The following EPHA6 variants were observed in gnomAD, a reference collection of about 807,000 sequenced individuals.
The protein encoded by EPHA6 is ephrin type-A receptor 6.
Under a neutral mutation model 112.0 loss-of-function variants are expected in EPHA6, and 50 were observed. The observed-to-expected ratio is 0.45, with a 90% CI of 0.36 to 0.56. The LOEUF (loss-of-function observed/expected upper bound fraction) is 0.56, where lower values mean the gene tolerates loss of function less well. Among genes scored for constraint, EPHA6 ranks in the 20% least tolerant of loss-of-function variants. The pLI, the probability that EPHA6 is intolerant of heterozygous loss-of-function variation, is 0.00. For synonymous variants in EPHA6, 529 were observed against 490.7 expected, an observed-to-expected ratio of 1.08 and a Z score of -1.03; for missense variants, 1,280 against 1,417.4, an observed-to-expected ratio of 0.90 and a Z score of 1.56.
At chr3:96,992,290 A>G (rs1286806714) in intron 3 of EPHA6, among the ~76,000 whole-genome samples, 1 of 152,022 alleles carries the variant, frequency 6.6e-6, no homozygotes, top group African/African-American at 2.4e-5. Flanking sequence ...CACAATCTCC[A>G]TGCTATTCTT....
At chr3:97,275,646 T>C (rs551768635) in intron 5 of EPHA6, among the ~76,000 whole-genome samples, 9 of 152,154 alleles carry the variant, frequency 5.9e-5, no homozygotes, top group Non-Finnish European at 1.3e-4. Flanking sequence ...GGAGAGTTTA[T>C]AGGCTTTAAA....
At chr3:97,121,670 C>G (rs1381871360) in intron 3 of EPHA6, among the ~76,000 whole-genome samples, 1 of 151,996 alleles carries the variant, frequency 6.6e-6, no homozygotes, top group Non-Finnish European at 1.5e-5. Context: ...AACTGCTTTC[C>G]CAAGAGGTTC....
At position 97,448,508 on chromosome 3, in the gene EPHA6, T is replaced by C. The variant is rs936013284; in HGVS notation, c.1732-60T>C. ...TTTCTCAGTTAAACTTTGGAATGTT[T>C]CTAGGAAAAGGTAGAATAACTCTGT... On this transcript the variant is annotated intron_variant, in intron 6 of 17. Transcript: ENST00000389672. 8 of 1,553,936 alleles carry C rather than the reference T, an allele frequency of 5.1e-6. No homozygotes were observed. The African/African-American group carries it at 1.1e-4, about 21-fold the overall frequency.
intron 1 of EPHA6, among the ~76,000 whole-genome samples, chr3:96,824,308 C>T (rs907710216): frequency 6.6e-6 from 1 of 151,404 alleles, no homozygotes; most frequent in African/African-American, 2.4e-5. Flanking sequence ...TAAATGCTAC[C>T]AAGCCTTAAA....
At chr3:97,168,704 C>A (rs566474930) in intron 3 of EPHA6, among the ~76,000 whole-genome samples, 92 of 152,162 alleles carry the variant, frequency 6.0e-4, no homozygotes, top group African/African-American at 2.2e-3. Flanking sequence ...CCTGAGGCCT[C>A]CCCAGAAACA....
intron 5 of EPHA6, among the ~76,000 whole-genome samples, chr3:97,253,198 T>A (rs2079193834): frequency 6.6e-6 from 1 of 152,208 alleles, no homozygotes; most frequent in Admixed American, 6.5e-5. Flanking sequence ...CCTTAAAATA[T>A]ATATGAAGTA....
At chr3:97,561,886 C>T (rs887111889) in intron 11 of EPHA6, among the ~76,000 whole-genome samples, 3 of 152,116 alleles carry the variant, frequency 2.0e-5, no homozygotes, top group African/African-American at 7.2e-5. Flanking sequence ...TTCTGAAAAT[C>T]CTAGGGCCCT....
rs149723096 is a variant in EPHA6, at chr3:97,327,955, C to A, written c.1607-77195C>A. 1.9e-3 allele frequency among the ~76,000 whole-genome samples: 178 copies of A among 95,532 alleles called. 6 individuals carry two copies. The African/African-American group carries it at 0.022, about 12-fold the overall frequency. 62.7% of individuals were successfully genotyped at this position (95,532 alleles called of 152,430 possible). On this transcript the variant is annotated intron_variant, in intron 5 of 17. Transcript: ENST00000389672. ...TATGTATATGTGTATGTATATGTAT[C>A]TGTGTGTATATATATGTATATGTGC...
chr3:97,188,749 A>G (rs1479514092), intron 3 of EPHA6, among the ~76,000 whole-genome samples: 1 of 152,090 alleles, frequency 6.6e-6, no homozygotes, highest in Non-Finnish European at 1.5e-5. Context: ...AAGTAAAAAA[A>G]TCATTTAGAG....
intron 3 of EPHA6, among the ~76,000 whole-genome samples, chr3:96,990,025 T>C (rs2043158287): frequency 6.6e-6 from 1 of 152,190 alleles, no homozygotes; most frequent in Non-Finnish European, 1.5e-5. Flanking sequence ...ACATGTAATA[T>C]GTGTAATAAT....
At chr3:97,167,504 AC>A (rs2076570604) in intron 3 of EPHA6, among the ~76,000 whole-genome samples, 1 of 152,034 alleles carries the variant, frequency 6.6e-6, no homozygotes, top group Admixed American at 6.6e-5. Context: ...ATTCATGTTA[AC>A]TTTTATTTTA....
chr3:97,186,234 G>A (rs957912430), intron 3 of EPHA6, among the ~76,000 whole-genome samples: 1 of 151,832 alleles, frequency 6.6e-6, no homozygotes, highest in Non-Finnish European at 1.5e-5. Flanking sequence ...TCATCCTCAA[G>A]AACTAAGCAG....
At chr3:97,620,770 C>T (rs1367948390) in intron 13 of EPHA6, among the ~76,000 whole-genome samples, 1 of 151,940 alleles carries the variant, frequency 6.6e-6, no homozygotes, top group African/African-American at 2.4e-5. Context: ...TTAATAGATG[C>T]AGGCAAGGTG....
At chr3:97,385,190 G>C (rs890019365) in intron 5 of EPHA6, among the ~76,000 whole-genome samples, 2 of 151,974 alleles carry the variant, frequency 1.3e-5, no homozygotes, top group African/African-American at 4.8e-5. Context: ...TGATGTGGAG[G>C]CCATTTTACA....
chr3:97,151,846 A>G (rs918678666), intron 3 of EPHA6, among the ~76,000 whole-genome samples: 8 of 151,980 alleles, frequency 5.3e-5, no homozygotes, highest in African/African-American at 1.9e-4. Context: ...GTAATAATAT[A>G]TGATTATATT....
At chr3:97,472,946 C>T (rs1369932040) in intron 7 of EPHA6, among the ~76,000 whole-genome samples, 3 of 141,986 alleles carry the variant, frequency 2.1e-5, no homozygotes, top group Non-Finnish European at 4.5e-5. Context: ...GATATGTAAC[C>T]TTGAGAAAGT....
intron 13 of EPHA6, among the ~76,000 whole-genome samples, chr3:97,628,207 G>A (rs1240733882): frequency 6.6e-6 from 1 of 152,002 alleles, no homozygotes; most frequent in Non-Finnish European, 1.5e-5. Flanking sequence ...TTGCAGTAGA[G>A]TTTATGGGAA....
chr3:97,299,183 ATGTGTGTGTG>A (rs34282025), intron 5 of EPHA6, among the ~76,000 whole-genome samples: 3 of 144,512 alleles, frequency 2.1e-5, no homozygotes, highest in Non-Finnish European at 4.6e-5. Context: ...GATGATCAGG[ATGTGTGTGTG>A]TGTGTGTGTG....
At chr3:96,971,671 C>G (rs1400989235) in intron 2 of EPHA6, among the ~76,000 whole-genome samples, 1 of 152,024 alleles carries the variant, frequency 6.6e-6, no homozygotes, top group African/African-American at 2.4e-5. Context: ...ATATTAGATA[C>G]GTATGTTTAA....
Sources: allele counts gnomAD v4.1 joint callset (sites outside exome capture counted in the v4.1 genomes callset), GRCh38; gene constraint gnomAD v4.1.1; transcripts MANE v1.5; gene names NCBI Gene and HGNC (gene_info 2026-07-23, HGNC 2026-07-21).